Variants in TMC7 observed in about 807,000 individuals in gnomAD.
TMC7 encodes transmembrane channel like 7, also known as transmembrane channel-like protein 7.
Under a neutral mutation model 82.9 loss-of-function variants are expected in TMC7, and 54 were observed. The ratio of observed to expected loss-of-function variants is 0.65; its 90% confidence interval spans 0.52 to 0.82. The LOEUF is 0.82. TMC7 is among the 40% of genes least tolerant of loss of function. TMC7 has a pLI of 0.00. For missense variants in TMC7, 820 were observed against 901.2 expected (o/e 0.91, Z 1.15); for synonymous variants, 350 against 337.9 (o/e 1.04, Z -0.39).
intron 1 of TMC7, among the ~76,000 whole-genome samples, chr16:18,990,859 G>C (rs2038939123): frequency 6.6e-6 from 1 of 152,106 alleles, no homozygotes; most frequent in African/African-American, 2.4e-5. Flanking sequence ...GATCACAATG[G>C]TGGAATATCA....
intron 1 of TMC7, among the ~76,000 whole-genome samples, chr16:18,985,149 A>G (rs1456709214): frequency 6.6e-6 from 1 of 151,922 alleles, no homozygotes; most frequent in Non-Finnish European, 1.5e-5. Context: ...AATCCCAGCT[A>G]CTTGGGAGGC....
rs28404087 is a variant in TMC7, at chr16:19,056,393, G to A, written c.1872-149G>A. 2.8e-3 allele frequency: 2,543 copies of A among 913,870 alleles called. 51 individuals carry two copies. The African/African-American group carries it at 0.038, about 14-fold the overall frequency. The allele number at this position is 913,870 out of a possible 1,614,324, so 56.6% of individuals were successfully genotyped here. ...GAGCCACCGCGCCCAGCCAGGGTAA[G>A]CATTTTCGACTCAAACATTCCAGAA... On this transcript the variant is annotated intron_variant, in intron 13 of 15. Coordinates refer to ENST00000304381, the MANE Select transcript of TMC7 (RefSeq NM_024847.4).
In TMC7 at chr16:18,986,339, G is replaced by A. The variant is rs181216691; in HGVS notation, c.67+2209G>A. Among the ~76,000 whole-genome samples the A allele has an allele frequency of 1.1e-4, 17 of 148,556 alleles. No homozygotes were observed. In the East Asian group the frequency reaches 3.5e-3, roughly 30 times the overall value. ...GAACCCGGGAGGTGGAGGTTGCAGT[G>A]AGCCGAGATTGTGCCACTGCACTCC... On this transcript the variant is annotated intron_variant, in intron 1 of 15. Coordinates refer to ENST00000304381, the MANE Select transcript of TMC7 (RefSeq NM_024847.4).
intron 1 of TMC7, among the ~76,000 whole-genome samples, chr16:19,001,462 C>CT (rs1454831094): frequency 6.6e-6 from 1 of 152,192 alleles, no homozygotes; most frequent in African/African-American, 2.4e-5. Context: ...GGGAGGATCA[C>CT]TTGAGCCCAG....
At chr16:19,021,841 C>A in intron 4 of TMC7, 45 bp downstream of exon 4, 1 of 1,588,402 alleles carries the variant, frequency 6.3e-7, no homozygotes, top group Non-Finnish European at 8.6e-7. Context: ...TTGTTTTTCA[C>A]CATGTACCTT....
intron 13 of TMC7, among the ~76,000 whole-genome samples, chr16:19,053,341 A>G (rs1186346130): frequency 2.1e-5 from 3 of 140,686 alleles, no homozygotes; most frequent in African/African-American, 7.8e-5. Context: ...TTAGTTTTAT[A>G]TTGTATCCTT....
chr16:19,001,869 G>T (rs892148943), intron 1 of TMC7, among the ~76,000 whole-genome samples: 5 of 152,176 alleles, frequency 3.3e-5, no homozygotes, highest in African/African-American at 1.2e-4. Flanking sequence ...ATCCACGCAA[G>T]TTGTCAAACA....
At position 19,062,881 on chromosome 16, in the gene TMC7, T is replaced by C. The variant is rs573382469; in HGVS notation, c.*1038T>C. 3.3e-5 allele frequency: 5 copies of C among 152,586 alleles called. No homozygotes were observed. The East Asian group carries it at 5.8e-4, about 18-fold the overall frequency. 9.5% of individuals were successfully genotyped at this position (152,586 alleles called of 1,614,324 possible). ...TCTTCCGTTCACTGGCTCCACACGT[T>C]TCCTGGGGAGTAGCCTGGAATTTAA... is the stretch of plus-strand genomic sequence containing the variant. On this transcript the variant is annotated 3_prime_UTR_variant, in exon 16 of 16. Coordinates refer to ENST00000304381, the MANE Select transcript of TMC7 (RefSeq NM_024847.4).
intron 2 of TMC7, 111 bp from the exon 3 acceptor site, chr16:19,016,339 C>T: frequency 1.5e-6 from 2 of 1,351,422 alleles, no homozygotes; most frequent in Non-Finnish European, 2.0e-6. Context: ...ATCCACCTGC[C>T]TCGGCCTCCC....
intron 1 of TMC7, among the ~76,000 whole-genome samples, chr16:18,984,788 C>G (rs192114432): frequency 2.1e-3 from 319 of 152,258 alleles, no homozygotes; most frequent in Admixed American, 3.8e-3. Flanking sequence ...CCATGAATTT[C>G]TACAGAAATA....
chr16:19,001,388 A>G (rs2039138118), intron 1 of TMC7, among the ~76,000 whole-genome samples: 1 of 152,110 alleles, frequency 6.6e-6, no homozygotes. Context: ...AAAATTAAAA[A>G]GGACAGAGTA....
chr16:19,001,602 G>A (rs962731857), intron 1 of TMC7, among the ~76,000 whole-genome samples: 3 of 152,164 alleles, frequency 2.0e-5, no homozygotes, highest in African/African-American at 7.2e-5. Flanking sequence ...AGTATTGCCT[G>A]AGCCTGGGAG....
chr16:18,995,060 C>G (rs1432917404), intron 1 of TMC7, among the ~76,000 whole-genome samples: 1 of 151,926 alleles, frequency 6.6e-6, no homozygotes. Flanking sequence ...GTGGCTGTAG[C>G]CCAGGAATAG....
At position 19,025,617 on chromosome 16, in the gene TMC7, C is replaced by T. The variant is rs182027071; in HGVS notation, c.711+2422C>T. Among the ~76,000 whole-genome samples the T allele has an allele frequency of 9.7e-3, 1,471 of 152,038 alleles. 34 individuals are homozygous for T. Among genetic ancestry groups the T allele is most frequent in the African/African-American group, 0.033 (1,384 of 41,446 alleles). Reference sequence around the variant, plus strand: ...CTGGGCAATGAGAGGGAGAGTTTGTCTCAAAACAAAACAAAACAAAACAAA... The same window carrying T: ...CTGGGCAATGAGAGGGAGAGTTTGTTTCAAAACAAAACAAAACAAAACAAA... On this transcript the variant is annotated intron_variant, in intron 5 of 15. Coordinates refer to ENST00000304381, the MANE Select transcript of TMC7 (RefSeq NM_024847.4).
At chr16:19,030,133 T>A in intron 5 of TMC7, 91 bp from the exon 6 acceptor site, 1 of 1,353,838 alleles carries the variant, frequency 7.4e-7, no homozygotes, top group Non-Finnish European at 1.0e-6. Flanking sequence ...AAGGGGACAC[T>A]GGAACTTGTG....
intron 1 of TMC7, among the ~76,000 whole-genome samples, chr16:18,986,621 C>T (rs191736123): frequency 7.2e-5 from 11 of 152,210 alleles, no homozygotes; most frequent in Admixed American, 4.6e-4. Flanking sequence ...GCTCTTCCAT[C>T]GCAACCAACA....
intron 7 of TMC7, among the ~76,000 whole-genome samples, chr16:19,037,404 GAA>G: frequency 4.2e-5 from 1 of 23,566 alleles, no homozygotes; most frequent in Non-Finnish European, 1.4e-4. Context: ...AAAAAAAAAA[GAA>G]AGAAAAAAAG....
chr16:19,011,438 G>A (rs751199882), intron 2 of TMC7, among the ~76,000 whole-genome samples: 7 of 151,880 alleles, frequency 4.6e-5, no homozygotes, highest in Non-Finnish European at 1.0e-4. Context: ...AGAGGCTGAC[G>A]CAGGAGGATT....
chr16:19,025,153 G>T (rs1415753316), intron 5 of TMC7, among the ~76,000 whole-genome samples: 1 of 152,136 alleles, frequency 6.6e-6, no homozygotes, highest in African/African-American at 2.4e-5. Flanking sequence ...CTAGATGCCA[G>T]CAGCACTGCC....
Sources: allele counts gnomAD v4.1 joint callset (sites outside exome capture counted in the v4.1 genomes callset), GRCh38; gene constraint gnomAD v4.1.1; transcripts MANE v1.5; gene names NCBI Gene and HGNC (gene_info 2026-07-23, HGNC 2026-07-21).